Variants in CHM observed in about 807,000 individuals in gnomAD.
CHM encodes the protein rab proteins geranylgeranyltransferase component A 1.
In CHM, 10 loss-of-function variants were observed where a neutral mutation model predicts 49.0. That is an observed-to-expected ratio of 0.20 (90% CI 0.13 to 0.35). CHM has a LOEUF of 0.35. Ranked by LOEUF, CHM falls within the 10% of genes least tolerant of loss-of-function variation. The pLI is 1.00. For synonymous variants in CHM, 184 were observed against 167.5 expected, an observed-to-expected ratio of 1.10 and a Z score of -0.76; for missense variants, 455 against 478.4, an observed-to-expected ratio of 0.95 and a Z score of 0.46.
At chrX:85,882,068 A>G (rs1315981409) in intron 12 of CHM, among the ~76,000 whole-genome samples, 1 of 111,465 alleles carries the variant, frequency 9.0e-6, no homozygotes, top group Non-Finnish European at 1.9e-5. Context: ...CTATAAGTCA[A>G]TATTTACGAT....
intron 4 of CHM, among the ~76,000 whole-genome samples, chrX:85,975,526 T>C (rs745741218): frequency 8.9e-6 from 1 of 111,908 alleles, no homozygotes. Context: ...TCCAGGGAAT[T>C]ATGCTGAGTA....
At chrX:86,009,181 A>G (rs1051187464) in intron 2 of CHM, among the ~76,000 whole-genome samples, 1 of 112,100 alleles carries the variant, frequency 8.9e-6, no homozygotes, top group Non-Finnish European at 1.9e-5. Context: ...GATATGTGCT[A>G]ACTGCTGTTG....
At chrX:85,871,304 C>CAAAAAA (rs150005971) in intron 14 of CHM, among the ~76,000 whole-genome samples, 2 of 62,069 alleles carry the variant, frequency 3.2e-5, no homozygotes, top group Admixed American at 2.1e-4. Flanking sequence ...AAGACTGTCT[C>CAAAAAA]AAAAAAAAAA....
chrX:85,914,541 C>A (rs1200491639), intron 8 of CHM, among the ~76,000 whole-genome samples: 1 of 110,673 alleles, frequency 9.0e-6, no homozygotes, highest in Non-Finnish European at 1.9e-5. Flanking sequence ...ACGGTGCGCA[C>A]TCAACTACAG....
intron 14 of CHM, among the ~76,000 whole-genome samples, chrX:85,865,541 A>C (rs1923638209): frequency 8.9e-6 from 1 of 112,022 alleles, no homozygotes; most frequent in African/African-American, 3.2e-5. Flanking sequence ...TACTGCTAAA[A>C]GATAACCTGA....
At chrX:85,963,064 T>C (rs750107650) in intron 5 of CHM, among the ~76,000 whole-genome samples, 6 of 111,398 alleles carry the variant, frequency 5.4e-5, no homozygotes, top group African/African-American at 1.3e-4. Context: ...ATTTGTTACA[T>C]AGGTATACAC....
chrX:86,039,191 A>G (rs1934358151), intron 1 of CHM, among the ~76,000 whole-genome samples: 1 of 112,202 alleles, frequency 8.9e-6, no homozygotes, highest in Non-Finnish European at 1.9e-5. Flanking sequence ...TAGGTACTAA[A>G]AACAATTTTC....
chrX:85,959,849 T>G (rs2147669117), intron 5 of CHM, among the ~76,000 whole-genome samples: 1 of 111,737 alleles, frequency 8.9e-6, no homozygotes, highest in East Asian at 2.8e-4. Context: ...AATGGGAAAA[T>G]TAGCTTTACT....
intron 8 of CHM, among the ~76,000 whole-genome samples, chrX:85,918,177 G>A (rs1011475024): frequency 9.0e-6 from 1 of 110,690 alleles, no homozygotes; most frequent in Non-Finnish European, 1.9e-5. Flanking sequence ...GGGGAGATCA[G>A]GTACAAAGGG....
At position 86,021,896 on chromosome X, in the gene CHM, G is replaced by C. The variant is rs753746234; in HGVS notation, c.116+5595C>G. 3.6e-5 allele frequency among the ~76,000 whole-genome samples: 4 copies of C among 112,038 alleles called. No homozygotes were observed. The East Asian group carries it at 1.1e-3, about 31-fold the overall frequency. Reference sequence around the variant, plus strand: ...AAAATGGATAAGCCTTGAGGACACTGTACTAAGTGAAATAAGCCAGTCACA... The same window carrying C: ...AAAATGGATAAGCCTTGAGGACACTCTACTAAGTGAAATAAGCCAGTCACA... On this transcript the variant is annotated intron_variant, in intron 2 of 14. Coordinates refer to ENST00000357749, the MANE Select transcript of CHM (RefSeq NM_000390.4).
intron 12 of CHM, among the ~76,000 whole-genome samples, chrX:85,881,462 T>G (rs1255225659): frequency 8.9e-6 from 1 of 112,214 alleles, no homozygotes; most frequent in Non-Finnish European, 1.9e-5. Flanking sequence ...TTCACTTTAC[T>G]TGTGCAACAG....
intron 6 of CHM, 88 bp downstream of exon 6, chrX:85,958,773 A>C: frequency 2.5e-6 from 3 of 1,187,707 alleles, no homozygotes; most frequent in Non-Finnish European, 3.4e-6. Flanking sequence ...TTTATGAGGA[A>C]AATAACAATC....
At chrX:86,010,183 T>TC (rs1932999573) in intron 2 of CHM, among the ~76,000 whole-genome samples, 1 of 41,616 alleles carries the variant, frequency 2.4e-5, no homozygotes, top group Non-Finnish European at 4.1e-5. Flanking sequence ...CCGGGGCCTG[T>TC]AGAGGGGTGG....
chrX:85,896,139 C>CA (rs148920305), intron 11 of CHM, among the ~76,000 whole-genome samples: 487 of 46,158 alleles, frequency 0.011, 1 homozygote, highest in Middle Eastern at 0.082. Context: ...CTGCACAACT[C>CA]AAAAAAAAAA....
intron 8 of CHM, among the ~76,000 whole-genome samples, chrX:85,927,692 C>T (rs1019671495): frequency 1.8e-5 from 2 of 111,869 alleles, no homozygotes; most frequent in East Asian, 5.6e-4. Context: ...TTATATCCAA[C>T]GAGTCAGATT....
rs1925673491 is a variant in CHM, at chrX:85,894,244, A to C, written c.1454T>G (p.Phe485Cys). Reference sequence around the variant, plus strand: ...ACATAACTCAATGACCCGAACAGCAAAAGTTCCTGGTTCCTCTGCTGGCAC... The same window carrying C: ...ACATAACTCAATGACCCGAACAGCACAAGTTCCTGGTTCCTCTGCTGGCAC... Reference protein sequence around the residue: ...LTVPAEEPGTFAVRVIELCSS... With the variant: ...LTVPAEEPGTCAVRVIELCSS... The change falls in exon 12 of 15, where the codon TTT (phenylalanine) becomes TGT (cysteine). Residue 485 changes from phenylalanine (F) to cysteine (C), a missense_variant. Physicochemically the swap from Phe to Cys is radical, Grantham distance 205. Transcript: ENST00000357749. The C allele has an allele frequency of 8.3e-7, 1 of 1,209,187 alleles. No individual in the cohort carries two copies. Among genetic ancestry groups the C allele is most frequent in the Admixed American group, 2.2e-5 (1 of 45,703 alleles).
intron 2 of CHM, among the ~76,000 whole-genome samples, chrX:85,990,580 A>C (rs1377717031): frequency 8.9e-6 from 1 of 111,774 alleles, no homozygotes; most frequent in Non-Finnish European, 1.9e-5. Flanking sequence ...AACAATAAGG[A>C]AATAAGTTAT....
intron 4 of CHM, among the ~76,000 whole-genome samples, chrX:85,968,917 TA>T (rs1182724255): frequency 8.9e-6 from 1 of 112,156 alleles, no homozygotes; most frequent in Non-Finnish European, 1.9e-5. Context: ...AAAACACACT[TA>T]ACTGTAGACA....
chrX:85,880,921 A>C (rs1446060885), intron 12 of CHM, among the ~76,000 whole-genome samples: 1 of 111,748 alleles, frequency 8.9e-6, no homozygotes, highest in Non-Finnish European at 1.9e-5. Flanking sequence ...AGTATAGATT[A>C]CTGAATTCAT....
Sources: gnomAD v4.1 joint callset for allele counts (sites outside exome capture counted in the v4.1 genomes callset) on GRCh38, gnomAD v4.1.1 for gene constraint, MANE v1.5 for transcripts, NCBI Gene and HGNC (gene_info 2026-07-23, HGNC 2026-07-21) for gene names.